The following TRMT10B variants were observed in gnomAD, a reference collection of about 807,000 sequenced individuals.
TRMT10B encodes the protein tRNA methyltransferase 10 homolog B.
A neutral mutation model predicts 43.8 loss-of-function variants in TRMT10B; 33 were observed. The observed-to-expected ratio is 0.75, with a 90% confidence interval of 0.57 to 1.01. The LOEUF (loss-of-function observed/expected upper bound fraction) is 1.01. TRMT10B is among the 50% of genes least tolerant of loss of function. TRMT10B has a pLI of 0.00. For missense variants in TRMT10B, 362 were observed against 369.8 expected, an observed-to-expected ratio of 0.98 and a Z score of 0.17; for synonymous variants, 137 against 130.6, an observed-to-expected ratio of 1.05 and a Z score of -0.34.
intron 1 of TRMT10B, among the ~76,000 whole-genome samples, chr9:37,754,957 T>C (rs886067539): frequency 6.6e-6 from 1 of 151,952 alleles, no homozygotes; most frequent in Non-Finnish European, 1.5e-5. Context: ...GCTGCCAGGA[T>C]TGGGGAAGGG....
At chr9:37,762,529 TG>T in intron 2 of TRMT10B, 47 bp from the exon 3 acceptor site, 1 of 1,528,758 alleles carries the variant, frequency 6.5e-7, no homozygotes, top group Middle Eastern at 1.8e-4. Context: ...TTTCCTTTTT[TG>T]GTGCTTATGA....
intron 7 of TRMT10B, among the ~76,000 whole-genome samples, chr9:37,774,402 A>G (rs1310009606): frequency 6.6e-6 from 1 of 152,194 alleles, no homozygotes; most frequent in Non-Finnish European, 1.5e-5. Flanking sequence ...CCAACATTTA[A>G]ACTGAAAAAT....
chr9:37,763,335 T>C (rs1273234826), intron 3 of TRMT10B, among the ~76,000 whole-genome samples: 1 of 152,138 alleles, frequency 6.6e-6, no homozygotes, highest in Admixed American at 6.6e-5. Flanking sequence ...GAGCTGTTAT[T>C]ATCATTCCCA....
chr9:37,771,082 CTTCT>C (rs989889457), intron 7 of TRMT10B, among the ~76,000 whole-genome samples: 6 of 152,208 alleles, frequency 3.9e-5, no homozygotes, highest in Non-Finnish European at 7.3e-5. Context: ...TAGTTTGCTC[CTTCT>C]AAGGTTGATC....
At chr9:37,762,140 C>CATAG (rs1371428442) in intron 2 of TRMT10B, 23 bp downstream of exon 2, 2 of 1,599,800 alleles carry the variant, frequency 1.3e-6, no homozygotes, top group South Asian at 2.2e-5. Flanking sequence ...ATTGCCTGGC[C>CATAG]ATAGGCCTTG....
At position 37,778,048 on chromosome 9, in the gene TRMT10B, C is replaced by T. The variant is rs1371377325; in HGVS notation, c.*341C>T. 4.9e-6 allele frequency: 1 copy of T among 204,822 alleles called. No individual in the cohort carries two copies. The highest frequency in any genetic ancestry group is 1.0e-5 in the Non-Finnish European group (1 of 99,940). 12.7% of individuals were successfully genotyped at this position (204,822 alleles called of 1,614,324 possible). The stretch of plus-strand genomic sequence containing the variant: ...AAAAAATGCAGCTGCAGGAGTGAGG[C>T]GCTTGGAGGTACCTTGACCCAAAGA... On this transcript the variant is annotated 3_prime_UTR_variant, in exon 9 of 9. Coordinates refer to ENST00000297994, the MANE Select transcript of TRMT10B (RefSeq NM_144964.4).
intron 3 of TRMT10B, 38 bp downstream of exon 3, chr9:37,762,723 T>G (rs1362784474): frequency 6.5e-7 from 1 of 1,530,604 alleles, no homozygotes; most frequent in South Asian, 1.3e-5. Flanking sequence ...ATAATATTTA[T>G]TTTTTAGCAA....
upstream of TRMT10B, among the ~76,000 whole-genome samples, chr9:37,753,431 A>G (rs905491384): frequency 2.0e-5 from 3 of 152,180 alleles, no homozygotes; most frequent in Admixed American, 1.3e-4. Context: ...TAATGGCCAT[A>G]ACTAGTTTTT....
At chr9:37,765,345 G>GT (rs1826872808) in intron 4 of TRMT10B, among the ~76,000 whole-genome samples, 1 of 151,964 alleles carries the variant, frequency 6.6e-6, no homozygotes, top group Admixed American at 6.5e-5. Context: ...GAGAACATAC[G>GT]GTGTTTGGTT....
intron 7 of TRMT10B, 111 bp downstream of exon 7, chr9:37,770,850 G>C (rs961574913): frequency 4.4e-5 from 49 of 1,125,230 alleles, no homozygotes; most frequent in Non-Finnish European, 5.9e-5. Flanking sequence ...AGAGGGAACA[G>C]GAAGAAAGAG....
In TRMT10B at chr9:37,767,453, T is replaced by TAG. The variant is rs1433752173; in HGVS notation, c.421-622_421-621dup. On this transcript the variant is annotated intron_variant, in intron 4 of 8. Coordinates refer to ENST00000297994, the MANE Select transcript of TRMT10B (RefSeq NM_144964.4). Reference sequence around the variant, plus strand: ...ACTTGAGCCCAGGAATTTGAGGCTGTAGTGAGCTATGATTGTACCACTGCA... The same window carrying TAG: ...ACTTGAGCCCAGGAATTTGAGGCTGTAGAGTGAGCTATGATTGTACCACTGCA... 9 of 137,118 alleles carry TAG rather than the reference T, an allele frequency of 6.6e-5. No homozygotes were observed. In the Admixed American group the frequency reaches 7.6e-4, roughly 12 times the overall value. The allele number at this position is 137,118 out of a possible 1,614,324, so 8.5% of individuals were successfully genotyped here. A position where few individuals can be genotyped will look rare whatever the true frequency, so the allele number is the denominator to read the frequency against.
At chr9:37,772,184 A>C (rs1403392983) in intron 7 of TRMT10B, among the ~76,000 whole-genome samples, 2 of 151,800 alleles carry the variant, frequency 1.3e-5, no homozygotes, top group African/African-American at 4.8e-5. Context: ...GCTAATTTTT[A>C]TATTTTTTTG....
chr9:37,769,378 C>T (rs1461798542), intron 5 of TRMT10B, among the ~76,000 whole-genome samples: 1 of 149,150 alleles, frequency 6.7e-6, no homozygotes, highest in Non-Finnish European at 1.5e-5. Flanking sequence ...ATTTCCTTCC[C>T]CAGGTCATCC....
At position 37,778,529 on chromosome 9, in the gene TRMT10B, A is replaced by G. The variant is rs963739987; in HGVS notation, c.*822A>G. The G allele has an allele frequency of 3.9e-5, 6 of 152,182 alleles. No homozygotes were observed. The highest frequency in any genetic ancestry group is 1.2e-4 in the African/African-American group (5 of 41,420). The allele number at this position is 152,182 out of a possible 1,614,324, so 9.4% of individuals were successfully genotyped here. ...GGGGAAAAAAAAAAAAAATTATGTA[A>G]CAAGGAATTAGCCTCAAAACCACAT... On this transcript the variant is annotated 3_prime_UTR_variant, in exon 9 of 9. Coordinates refer to ENST00000297994, the MANE Select transcript of TRMT10B (RefSeq NM_144964.4).
In TRMT10B at chr9:37,778,476, G is replaced by C. The variant is rs1023139288; in HGVS notation, c.*769G>C. The C allele has an allele frequency of 6.6e-6, 1 of 151,912 alleles. No individual in the cohort carries two copies. Among genetic ancestry groups the C allele is most frequent in the Non-Finnish European group, 1.5e-5 (1 of 68,018 alleles). The allele number at this position is 151,912 out of a possible 1,614,324, so 9.4% of individuals were successfully genotyped here. On this transcript the variant is annotated 3_prime_UTR_variant, in exon 9 of 9. Coordinates refer to ENST00000297994, the MANE Select transcript of TRMT10B (RefSeq NM_144964.4). ...GTTGTAGTGAGCCAAGATCCAGCCT[G>C]GGCGACAGAGCCAGACTCTTGTCTC... is the stretch of plus-strand genomic sequence containing the variant.
chr9:37,777,795 C>T lies in TRMT10B; in HGVS notation c.*88C>T. On this transcript the variant is annotated 3_prime_UTR_variant, in exon 9 of 9. Transcript: ENST00000297994. ...CCGAAGTGGGCAGATCACCTGAGGTCAGGAGTTCACGACCAGCCTGGCCAA... is the reference window on the plus strand; with the variant it reads ...CCGAAGTGGGCAGATCACCTGAGGTTAGGAGTTCACGACCAGCCTGGCCAA... 2 of 1,047,894 alleles carry T rather than the reference C, an allele frequency of 1.9e-6. No individual in the cohort carries two copies. The highest frequency in any genetic ancestry group is 2.9e-6 in the Non-Finnish European group (2 of 683,820). The allele number at this position is 1,047,894 out of a possible 1,614,324, so 64.9% of individuals were successfully genotyped here.
intron 7 of TRMT10B, among the ~76,000 whole-genome samples, chr9:37,774,767 C>T (rs1174219148): frequency 6.6e-6 from 1 of 152,100 alleles, no homozygotes; most frequent in African/African-American, 2.4e-5. Flanking sequence ...GTGTCAGCAC[C>T]GAAAAGGTAC....
chr9:37,763,011 C>T (rs978450103), intron 3 of TRMT10B, among the ~76,000 whole-genome samples: 8 of 148,832 alleles, frequency 5.4e-5, no homozygotes, highest in South Asian at 2.1e-4. Flanking sequence ...TGTGGTGGCA[C>T]GCACCTGTAG....
At chr9:37,773,292 TG>T (rs1409358758) in intron 7 of TRMT10B, among the ~76,000 whole-genome samples, 4 of 147,238 alleles carry the variant, frequency 2.7e-5, no homozygotes, top group African/African-American at 1.0e-4. Flanking sequence ...TTTTTTTTTC[TG>T]TATTTTTGTT....
Sources: gnomAD v4.1 joint callset for allele counts (sites outside exome capture counted in the v4.1 genomes callset) on GRCh38, gnomAD v4.1.1 for gene constraint, MANE v1.5 for transcripts, NCBI Gene and HGNC (gene_info 2026-07-23, HGNC 2026-07-21) for gene names.